The following CFAP70 variants were observed in gnomAD, a reference collection of about 807,000 sequenced individuals.
CFAP70 encodes cilia- and flagella-associated protein 70.
Under a neutral mutation model 137.6 loss-of-function variants are expected in CFAP70, and 81 were observed. That is an observed-to-expected ratio of 0.59 (90% confidence interval 0.49 to 0.71). CFAP70 has a LOEUF of 0.71. CFAP70 is among the 30% of genes least tolerant of loss of function. The pLI is 0.00. For synonymous variants in CFAP70, 382 were observed against 423.6 expected, an observed-to-expected ratio of 0.90 and a Z score of 1.20; for missense variants, 976 against 1,226.7, an observed-to-expected ratio of 0.80 and a Z score of 3.05.
chr10:73,317,212 T>C (rs112125881), intron 9 of CFAP70, among the ~76,000 whole-genome samples: 16,058 of 152,126 alleles, frequency 0.11, 1,226 homozygotes, highest in East Asian at 0.3. Context: ...GATACAGGGT[T>C]GCATCATGTT....
intron 1 of CFAP70, among the ~76,000 whole-genome samples, chr10:73,358,394 G>A (rs1564901711): frequency 6.6e-6 from 1 of 152,248 alleles, no homozygotes; most frequent in South Asian, 2.1e-4. Flanking sequence ...AGAGTCCAGT[G>A]AGAAAAAGGT....
In CFAP70 at chr10:73,275,362, C is replaced by T. The variant is rs7076057; in HGVS notation, c.2673+84G>A. The T allele has an allele frequency of 6.9e-7, 1 of 1,453,886 alleles. No individual in the cohort carries two copies. The highest frequency in any genetic ancestry group is 9.2e-7 in the Non-Finnish European group (1 of 1,086,012). The allele number at this position is 1,453,886 out of a possible 1,614,324, so 90.1% of individuals were successfully genotyped here. A position where few individuals can be genotyped will look rare whatever the true frequency, so the allele number is the denominator to read the frequency against. ...AGCTGATGACCACCCTTCTGTTCAC[C>T]AGAAATCTACGTGTGATATGGCATC... is the stretch of plus-strand genomic sequence containing the variant. On this transcript the variant is annotated intron_variant, in intron 22 of 26. Coordinates refer to ENST00000310715, the Ensembl canonical transcript of CFAP70. The surrounding 1 kb of genome is among the most constrained non-coding windows in gnomAD (Gnocchi z 4.0).
At chr10:73,299,012 T>A in exon 14 of CFAP70, 1 of 1,614,066 alleles carries the variant, frequency 6.2e-7, no homozygotes, top group Non-Finnish European at 8.5e-7. Context: ...CACTCTCCAG[T>A]TTGGCCACCT....
At chr10:73,309,418 A>C (rs987510200) in intron 12 of CFAP70, among the ~76,000 whole-genome samples, 14 of 152,242 alleles carry the variant, frequency 9.2e-5, no homozygotes, top group East Asian at 1.9e-4. Context: ...AAGGATAACA[A>C]CACCAAGGTG....
intron 1 of CFAP70, among the ~76,000 whole-genome samples, chr10:73,357,661 G>A (rs1282640559): frequency 6.6e-6 from 1 of 152,184 alleles, no homozygotes; most frequent in East Asian, 1.9e-4. Context: ...CTAGGATCTT[G>A]CAGTGCCAGT....
intron 1 of CFAP70, among the ~76,000 whole-genome samples, chr10:73,358,534 G>C (rs770808237): frequency 1.3e-5 from 2 of 152,206 alleles, no homozygotes; most frequent in African/African-American, 4.8e-5. Context: ...CGCCGGGCTG[G>C]GGTTGGCGGC....
At chr10:73,325,167 G>C (rs1245237838) in intron 8 of CFAP70, among the ~76,000 whole-genome samples, 3 of 152,212 alleles carry the variant, frequency 2.0e-5, no homozygotes, top group Non-Finnish European at 2.9e-5. Flanking sequence ...CCAGAAGAGA[G>C]TGGGGGCCAA....
intron 8 of CFAP70, among the ~76,000 whole-genome samples, chr10:73,323,499 G>A (rs1273155810): frequency 1.3e-5 from 2 of 152,216 alleles, no homozygotes; most frequent in East Asian, 1.9e-4. Context: ...AGCGCACCGT[G>A]TGCGAGCTGA....
At chr10:73,255,203 CCTGG>C (rs1328192640) in intron 26 of CFAP70, among the ~76,000 whole-genome samples, 1 of 152,160 alleles carries the variant, frequency 6.6e-6, no homozygotes, top group Non-Finnish European at 1.5e-5. Flanking sequence ...TCAAGACCAT[CCTGG>C]CTAACACGGT....
rs540833922 is a variant in CFAP70 at position 73,333,482 on chromosome 10, CA to C, written c.677+1947del. On this transcript the variant is annotated intron_variant, in intron 7 of 26. Coordinates refer to ENST00000310715, the Ensembl canonical transcript of CFAP70. ...ATCTAGGCATATCATTTTCAAACTG[CA>C]AAAAAAAAAATCTTGAAAAAACCAG... Among the ~76,000 whole-genome samples the C allele has an allele frequency of 4.6e-3, 657 of 143,532 alleles. 2 individuals are homozygous for C. The highest frequency in any genetic ancestry group is 6.8e-3 in the Non-Finnish European group (442 of 65,294). 94.2% of individuals were successfully genotyped at this position (143,532 alleles called of 152,430 possible).
intron 5 of CFAP70, among the ~76,000 whole-genome samples, chr10:73,344,423 T>C (rs1040765559): frequency 5.3e-5 from 8 of 152,234 alleles, no homozygotes; most frequent in Non-Finnish European, 5.9e-5. Context: ...CATATAACTA[T>C]GTGGGCTGTT....
intron 3 of CFAP70, among the ~76,000 whole-genome samples, chr10:73,352,308 G>A (rs1478840100): frequency 1.3e-5 from 2 of 152,200 alleles, no homozygotes; most frequent in Admixed American, 6.5e-5. Context: ...CTTTGTGAGA[G>A]TGGAAGTCTA....
chr10:73,355,184 CAGCAGG>C (rs2054573820), intron 1 of CFAP70, among the ~76,000 whole-genome samples: 1 of 152,210 alleles, frequency 6.6e-6, no homozygotes, highest in Non-Finnish European at 1.5e-5. Flanking sequence ...CTGGGCTGTA[CAGCAGG>C]AGGTAAGCAG....
chr10:73,314,640 C>T (rs1196843469), intron 9 of CFAP70, among the ~76,000 whole-genome samples: 1 of 152,112 alleles, frequency 6.6e-6, no homozygotes, highest in Non-Finnish European at 1.5e-5. Context: ...CAGAGTCTCA[C>T]TCTGTCACCT....
At chr10:73,256,259 C>T (rs568143402) in intron 26 of CFAP70, 110 bp downstream of exon 27, 1 of 1,265,312 alleles carries the variant, frequency 7.9e-7, no homozygotes, top group Non-Finnish European at 1.1e-6. Flanking sequence ...TAAGAAAAGC[C>T]TCTAGAAAAA....
chr10:73,353,565 G>T (rs201275491), exon 3 of CFAP70: 3 of 1,614,074 alleles, frequency 1.9e-6, no homozygotes, highest in Admixed American at 3.3e-5. Flanking sequence ...CAGAACACAG[G>T]TTTGTGAGCG....
chr10:73,273,015 A>G (rs1337179279), exon 24 of CFAP70: 1 of 1,549,718 alleles, frequency 6.5e-7, no homozygotes, highest in Non-Finnish European at 8.7e-7. Context: ...TTGCCTTTTC[A>G]TACTGTAGAA....
At chr10:73,282,172 T>G (rs2047306582) in intron 19 of CFAP70, among the ~76,000 whole-genome samples, 1 of 152,146 alleles carries the variant, frequency 6.6e-6, no homozygotes, top group Non-Finnish European at 1.5e-5. Flanking sequence ...CTGAGCCACA[T>G]GCAGAGAGGA....
At chr10:73,310,274 AT>A in intron 11 of CFAP70, 25 bp from the exon 13 acceptor site, 1 of 1,521,484 alleles carries the variant, frequency 6.6e-7, no homozygotes, top group South Asian at 1.2e-5. Flanking sequence ...TTTTCTTATT[AT>A]TTCCAGAAAA....
Sources: gnomAD v4.1 joint callset for allele counts (sites outside exome capture counted in the v4.1 genomes callset) on GRCh38, gnomAD v4.1.1 for gene constraint, Gnocchi (gnomAD v3.1) non-coding constraint, MANE v1.5 for transcripts, NCBI Gene and HGNC (gene_info 2026-07-23, HGNC 2026-07-21) for gene names.